The following MYO1F variants were observed in gnomAD, a reference collection of about 807,000 sequenced individuals.
MYO1F encodes unconventional myosin-If.
Under a neutral mutation model 146.6 loss-of-function variants are expected in MYO1F, and 60 were observed. The observed-to-expected ratio is 0.41, with a 90% CI of 0.33 to 0.51. MYO1F has a LOEUF of 0.51. MYO1F is among the 20% of genes least tolerant of loss of function. The probability of loss-of-function intolerance (pLI) is 0.25; values close to 1 mark genes in which losing one functional copy is unlikely to be tolerated. For missense variants in MYO1F, 1,274 were observed against 1,534.3 expected, an observed-to-expected ratio of 0.83 and a Z score of 2.83; for synonymous variants, 602 against 602.1, an observed-to-expected ratio of 1.00 and a Z score of 0.00.
At chr19:8,566,817 ATTTAT>A (rs1274522480) in intron 1 of MYO1F, among the ~76,000 whole-genome samples, 1 of 151,378 alleles carries the variant, frequency 6.6e-6, no homozygotes, top group African/African-American at 2.4e-5. Context: ...ACTGGCCTTT[ATTTAT>A]TTTAATATAT....
At chr19:8,540,848 GA>G (rs1255764384) in intron 15 of MYO1F, among the ~76,000 whole-genome samples, 1 of 152,098 alleles carries the variant, frequency 6.6e-6, no homozygotes. Flanking sequence ...CGTGCACATG[GA>G]TCCCTGGGAG....
rs782109152 is a variant in MYO1F, at chr19:8,577,316, G to A, written c.-7C>T. 8.7e-6 allele frequency: 14 copies of A among 1,613,844 alleles called. No individual in the cohort carries two copies. The highest frequency in any genetic ancestry group is 1.3e-5 in the African/African-American group (1 of 74,912). ...CCCTTGAAGGACTTACCATGGTGGG[G>A]GGCTGGTGTCTGGGCTCCTGGAGGC... On this transcript the variant is annotated 5_prime_UTR_variant, in exon 1 of 28. Coordinates refer to ENST00000644032, the MANE Select transcript of MYO1F (RefSeq NM_012335.4). This position sits in a 1 kb window ranked among gnomAD's most constrained non-coding sequence, Gnocchi z 4.3.
At chr19:8,548,899 T>C (rs569546169) in intron 10 of MYO1F, among the ~76,000 whole-genome samples, 2 of 150,196 alleles carry the variant, frequency 1.3e-5, no homozygotes, top group East Asian at 4.1e-4. Context: ...TGCACCTCTA[T>C]TTTCTTATCT....
chr19:8,522,161 T>C (rs1471971355), intron 27 of MYO1F, among the ~76,000 whole-genome samples: 1 of 152,090 alleles, frequency 6.6e-6, no homozygotes, highest in Non-Finnish European at 1.5e-5. Context: ...TAGCTGGGAC[T>C]ACAGGCGCCC....
rs1417605811 is a variant in MYO1F, at chr19:8,526,959, TCAGGTGGGACACAGGTGAGGGCGA to T, written c.2475-48_2475-25del. Reference sequence around the variant, plus strand: ...TGCTGGGGAGGGGCGGGTGAGAGCGTCAGGTGGGACACAGGTGAGGGCGACAGGTGAGAGAGACAGATGAAGGTG... The same window carrying T: ...TGCTGGGGAGGGGCGGGTGAGAGCGTCAGGTGAGAGAGACAGATGAAGGTG... On this transcript the variant is annotated intron_variant, in intron 22 of 27. Transcript: ENST00000644032. 6 of 1,612,078 alleles carry T rather than the reference TCAGGTGGGACACAGGTGAGGGCGA, an allele frequency of 3.7e-6. No individual in the cohort carries two copies. In the African/African-American group the frequency reaches 6.7e-5, roughly 18 times the overall value.
chr19:8,553,334 G>A lies in MYO1F; in HGVS notation c.414+16C>T. The A allele has an allele frequency of 6.2e-7, 1 of 1,613,772 alleles. No individual in the cohort carries two copies. Among genetic ancestry groups the A allele is most frequent in the Non-Finnish European group, 8.5e-7 (1 of 1,179,740 alleles). On this transcript the variant is annotated intron_variant, in intron 5 of 27. Coordinates refer to ENST00000644032, the MANE Select transcript of MYO1F (RefSeq NM_012335.4). Reference sequence around the variant, plus strand: ...TGAGGGCGACCCAGCTTATCCTTCTGTTTTCCTCGTCTCACCTGGACCTTC... The same window carrying A: ...TGAGGGCGACCCAGCTTATCCTTCTATTTTCCTCGTCTCACCTGGACCTTC...
intron 1 of MYO1F, among the ~76,000 whole-genome samples, chr19:8,557,563 A>C (rs1449556997): frequency 6.6e-6 from 1 of 152,114 alleles, no homozygotes; most frequent in South Asian, 2.1e-4. Context: ...CAGTCCCCCA[A>C]AGTGGTGGGA....
chr19:8,550,447 G>C, intron 9 of MYO1F, 91 bp from the exon 10 acceptor site: 1 of 1,594,654 alleles, frequency 6.3e-7, no homozygotes, highest in Non-Finnish European at 8.5e-7. Flanking sequence ...ATCTTGCCCA[G>C]TGACACCCAC....
At chr19:8,522,212 C>T (rs576967984) in intron 27 of MYO1F, among the ~76,000 whole-genome samples, 165 bp downstream of exon 27, 173 of 152,020 alleles carry the variant, frequency 1.1e-3, no homozygotes, top group African/African-American at 3.6e-3. Context: ...TTAGTAGAGA[C>T]GGGGTTTCAC....
chr19:8,555,772 G>C lies in MYO1F; in HGVS notation c.28C>G (p.Gln10Glu), dbSNP rs1042992108. 1 of 1,613,770 alleles carries C rather than the reference G, an allele frequency of 6.2e-7. No individual in the cohort carries two copies. Among genetic ancestry groups the C allele is most frequent in the Non-Finnish European group, 8.5e-7 (1 of 1,179,982 alleles). The change falls in exon 2 of 28, where the codon CAG (glutamine) becomes GAG (glutamate). Residue 10 changes from glutamine to glutamate, a missense_variant. Gln to Glu is a conservative substitution (Grantham distance 29). Around this residue, in one of 2 missense-constraint regions of MYO1F, gnomAD observed 900 missense variants for 1,155.1 expected, o/e 0.78. Transcript: ENST00000644032. ...CCGCTCTGCTTCACGTTGTGGCTCT[G>C]CCAGTGGAAGCGCTCCTTGCTGCCC... MGSKERFHW[Q>E]SHNVKQSGVD...
chr19:8,545,757 G>T (rs1319656772), intron 12 of MYO1F, 21 bp from the exon 13 acceptor site: 7 of 1,590,262 alleles, frequency 4.4e-6, no homozygotes, highest in Non-Finnish European at 6.0e-6. Flanking sequence ...AAAGGGGGTG[G>T]ATGTGGGGGC....
At chr19:8,549,378 C>A (rs1408299342) in intron 10 of MYO1F, 1 of 151,978 alleles carries the variant, frequency 6.6e-6, no homozygotes, top group Non-Finnish European at 1.5e-5. Flanking sequence ...GTCAGGGATT[C>A]TTCCACCTCA....
intron 11 of MYO1F, 42 bp downstream of exon 11, chr19:8,548,195 C>G (rs372763039): frequency 3.7e-6 from 6 of 1,613,500 alleles, no homozygotes; most frequent in Non-Finnish European, 5.1e-6. Flanking sequence ...CCTGGGCTGC[C>G]CCAGGGAGGA....
Position 8,536,312 on chromosome 19 carries a change from G to T in MYO1F, c.1983C>A (p.Asn661Lys). The T allele has an allele frequency of 1.9e-6, 3 of 1,608,184 alleles. No homozygotes were observed. The highest frequency in any genetic ancestry group is 2.5e-6 in the Non-Finnish European group (3 of 1,179,948). The stretch of plus-strand genomic sequence containing the variant: ...CCATCTGGTACTGGTCGGGCTCCAT[G>T]TTGACCGCCCGAAGCAGGTGCTGGA... ...QGVQHLLRAV[N>K]MEPDQYQMGS... The change falls in exon 19 of 28, where the codon AAC becomes AAA. Residue 661 changes from asparagine (N) to lysine (K), a missense_variant. Transcript: ENST00000644032.
chr19:8,559,744 G>GT, intron 1 of MYO1F, among the ~76,000 whole-genome samples: 1 of 152,016 alleles, frequency 6.6e-6, no homozygotes, highest in East Asian at 1.9e-4. Flanking sequence ...AAGGTCGGGA[G>GT]TTTGAGACCA....
intron 1 of MYO1F, among the ~76,000 whole-genome samples, chr19:8,575,662 T>C (rs1259305094): frequency 6.6e-6 from 1 of 152,118 alleles, no homozygotes; most frequent in Non-Finnish European, 1.5e-5. Flanking sequence ...GCGATCTTCC[T>C]GGCATTCACC....
chr19:8,544,160 G>A, intron 14 of MYO1F, 137 bp downstream of exon 14: 3 of 934,842 alleles, frequency 3.2e-6, no homozygotes, highest in Non-Finnish European at 5.1e-6. Flanking sequence ...TGAGGCGGGG[G>A]ACAGTGGAAT....
chr19:8,527,478 G>T lies in MYO1F; in HGVS notation c.2334C>A (p.Ile778=), dbSNP rs1466526767. Residue 778 remains isoleucine, a synonymous_variant, in exon 22 of 28, where the codon ATC becomes ATA. Transcript: ENST00000644032. ...VTKYDRRFKP[I]KRDLILTPKC... ...TGGGCGTCAGGATCAAGTCCCGCTT[G>T]ATGGGCTGTGGGGATGCAGGATTAG... 2 of 1,613,970 alleles carry T rather than the reference G, an allele frequency of 1.2e-6. No individual in the cohort carries two copies. The highest frequency in any genetic ancestry group is 4.5e-5 in the East Asian group (2 of 44,876).
intron 1 of MYO1F, among the ~76,000 whole-genome samples, chr19:8,572,644 A>G (rs1235559447): frequency 6.6e-6 from 1 of 152,078 alleles, no homozygotes; most frequent in African/African-American, 2.4e-5. Context: ...CCTCATGGCC[A>G]CTGATTCTGG....
Sources: allele counts gnomAD v4.1 joint callset (sites outside exome capture counted in the v4.1 genomes callset), GRCh38; gene constraint gnomAD v4.1.1; regional missense constraint gnomAD v4.1.1; non-coding constraint Gnocchi (gnomAD v3.1); transcripts MANE v1.5; gene names NCBI Gene and HGNC (gene_info 2026-07-23, HGNC 2026-07-21).